CLEC4A: variants seen among roughly 807,000 people sequenced by gnomAD.
CLEC4A encodes the protein C-type (calcium dependent, carbohydrate-recognition domain) lectin, superfamily member 6.
A neutral mutation model predicts 32.7 loss-of-function variants in CLEC4A; 27 were observed. That is an observed-to-expected ratio of 0.83 (90% CI 0.61 to 1.14). The LOEUF is 1.14. Ranked by LOEUF, CLEC4A falls within the 50% of genes most tolerant of loss-of-function variation. The pLI, the probability that CLEC4A is intolerant of heterozygous loss-of-function variation, is 0.00. For synonymous variants in CLEC4A, 89 were observed against 93.7 expected, an observed-to-expected ratio of 0.95 and a Z score of 0.29; for missense variants, 253 against 274.6, an observed-to-expected ratio of 0.92 and a Z score of 0.55.
At chr12:8,105,643 C>T in the CLEC4A span, among the ~76,000 whole-genome samples, 10 of 152,240 alleles carry the variant, frequency 6.6e-5, no homozygotes, top group East Asian at 1.9e-4. Flanking sequence ...AGCCACCGTG[C>T]CCGGCTGATG....
chr12:8,134,450 C>G (rs1948056200), intron 3 of CLEC4A: 1 of 1,613,820 alleles, frequency 6.2e-7, no homozygotes, highest in Admixed American at 1.7e-5. Flanking sequence ...CCTGGGACTC[C>G]TCCGGGTTTT....
intron 3 of CLEC4A, chr12:8,134,055 G>A (rs374144237): frequency 3.1e-6 from 5 of 1,593,768 alleles, no homozygotes. Context: ...TCCAGCCCAA[G>A]CTGCTGGGCG....
intron 2 of CLEC4A, among the ~76,000 whole-genome samples, chr12:8,126,729 C>T (rs1947907509): frequency 1.3e-5 from 2 of 151,988 alleles, no homozygotes; most frequent in South Asian, 4.1e-4. Context: ...AAGTGTTGTA[C>T]AGTTAAGAAG....
chr12:8,107,782 T>C, the CLEC4A span, among the ~76,000 whole-genome samples: 1 of 152,108 alleles, frequency 6.6e-6, no homozygotes, highest in East Asian at 1.9e-4. Flanking sequence ...TTTTTTTTTT[T>C]TTCCTTTATT....
At chr12:8,125,539 A>T (rs1405326883) in intron 1 of CLEC4A, 22 bp from the exon 2 acceptor site, 15 of 1,417,808 alleles carry the variant, frequency 1.1e-5, no homozygotes, top group East Asian at 4.5e-5. Flanking sequence ...TACTGATAAA[A>T]CTAATTTGGC....
intron 3 of CLEC4A, among the ~76,000 whole-genome samples, chr12:8,129,775 C>G (rs1328394298): frequency 2.0e-5 from 3 of 152,164 alleles, no homozygotes; most frequent in Non-Finnish European, 4.4e-5. Flanking sequence ...GGCGACGGAG[C>G]AAGATTCCGC....
chr12:8,136,568 A>G (rs1261816384), intron 4 of CLEC4A, among the ~76,000 whole-genome samples: 2 of 151,622 alleles, frequency 1.3e-5, no homozygotes, highest in African/African-American at 4.8e-5. Flanking sequence ...CATCTCAAAA[A>G]AAAAAAAAAA....
chr12:8,133,018 G>T (rs759324073), intron 3 of CLEC4A, among the ~76,000 whole-genome samples: 46 of 152,228 alleles, frequency 3.0e-4, no homozygotes, highest in African/African-American at 1.0e-3. Flanking sequence ...GGGTTCAAGC[G>T]ATTCTCTTGC....
chr12:8,106,276 T>C, the CLEC4A span, among the ~76,000 whole-genome samples: 2 of 152,178 alleles, frequency 1.3e-5, no homozygotes, highest in Non-Finnish European at 2.9e-5. Context: ...TACCATGCTG[T>C]TTTGGTTATT....
chr12:8,129,846 G>A (rs1275278387), intron 3 of CLEC4A, among the ~76,000 whole-genome samples: 1 of 152,084 alleles, frequency 6.6e-6, no homozygotes, highest in Non-Finnish European at 1.5e-5. Flanking sequence ...TTTTGTTGTT[G>A]TTTTTTTGAG....
At chr12:8,127,788 C>G (rs1947928030) in intron 2 of CLEC4A, among the ~76,000 whole-genome samples, 1 of 152,038 alleles carries the variant, frequency 6.6e-6, no homozygotes, top group Admixed American at 6.5e-5. Flanking sequence ...AATAAGGGAC[C>G]CAGAGAAGTA....
chr12:8,127,819 G>T (rs775719448), intron 2 of CLEC4A, among the ~76,000 whole-genome samples: 76 of 152,336 alleles, frequency 5.0e-4, no homozygotes, highest in African/African-American at 1.7e-3. Flanking sequence ...CCAATATTCT[G>T]ACTTTGTAAA....
At chr12:8,118,803 T>A (rs889992837), upstream of CLEC4A, among the ~76,000 whole-genome samples, 1 of 152,150 alleles carries the variant, frequency 6.6e-6, no homozygotes, top group African/African-American at 2.4e-5. Flanking sequence ...TGTGATGATA[T>A]TAAGAGGTGG....
chr12:8,112,243 C>T, the CLEC4A span, among the ~76,000 whole-genome samples: 2 of 152,132 alleles, frequency 1.3e-5, no homozygotes, highest in Admixed American at 1.3e-4. Flanking sequence ...GCTGGGATTA[C>T]AGGCATGAGC....
At chr12:8,116,804 C>G in the CLEC4A span, among the ~76,000 whole-genome samples, 1 of 152,186 alleles carries the variant, frequency 6.6e-6, no homozygotes. Context: ...CAGGCTCTCA[C>G]TATACCTGCT....
At chr12:8,125,464 T>C in intron 1 of CLEC4A, 97 bp from the exon 2 acceptor site, 1 of 719,458 alleles carries the variant, frequency 1.4e-6, no homozygotes, top group East Asian at 2.5e-5. Context: ...TTAGTAACTG[T>C]GTGTCATCCA....
upstream of CLEC4A, among the ~76,000 whole-genome samples, chr12:8,120,172 G>A (rs908925117): frequency 3.9e-5 from 6 of 152,150 alleles, no homozygotes; most frequent in African/African-American, 1.4e-4. Flanking sequence ...CATTATGTAG[G>A]CATGATTGAT....
intron 1 of CLEC4A, among the ~76,000 whole-genome samples, chr12:8,125,279 A>C (rs1947881425): frequency 6.6e-6 from 1 of 152,166 alleles, no homozygotes; most frequent in South Asian, 2.1e-4. Context: ...TATACATTCA[A>C]AAAATTGCTA....
At chr12:8,125,858 C>T (rs1947893016) in intron 2 of CLEC4A, among the ~76,000 whole-genome samples, 181 bp downstream of exon 2, 1 of 152,058 alleles carries the variant, frequency 6.6e-6, no homozygotes, top group African/African-American at 2.4e-5. Flanking sequence ...AGTTACTGTC[C>T]TGTAAAAATA....
Sources: allele counts gnomAD v4.1 joint callset (sites outside exome capture counted in the v4.1 genomes callset), GRCh38; gene constraint gnomAD v4.1.1; transcripts MANE v1.5; gene names NCBI Gene and HGNC (gene_info 2026-07-23, HGNC 2026-07-21).